CXXC1: variants seen among roughly 807,000 people sequenced by gnomAD.
CXXC1 encodes CXXC-type zinc finger protein 1.
Under a neutral mutation model 83.6 loss-of-function variants are expected in CXXC1, and 21 were observed. That is an observed-to-expected ratio of 0.25 (90% CI 0.18 to 0.36). The LOEUF (loss-of-function observed/expected upper bound fraction) is 0.36, where lower values mean the gene tolerates loss of function less well. Among genes scored for constraint, CXXC1 ranks in the 10% least tolerant of loss-of-function variants. The pLI is 1.00. For missense variants in CXXC1, 688 were observed against 919.5 expected (o/e 0.75, Z 3.26); for synonymous variants, 371 against 337.5 (o/e 1.10, Z -1.09).
chr18:50,284,322 G>A (rs553713246), intron 9 of CXXC1, 56 bp downstream of exon 9: 9 of 1,518,768 alleles, frequency 5.9e-6, no homozygotes, highest in Non-Finnish European at 7.9e-6. Context: ...AGAAGGCTGT[G>A]GTCAGGCCCT....
chr18:50,284,354 T>C (rs1358049453), intron 9 of CXXC1, 24 bp downstream of exon 9: 2 of 1,526,936 alleles, frequency 1.3e-6, no homozygotes, highest in South Asian at 1.3e-5. Context: ...CCTGACTCCC[T>C]TGAACCTCTC....
Position 50,282,505 on chromosome 18 carries a change from GA to G in CXXC1, c.*87del. 1 of 1,520,790 alleles carries G rather than the reference GA, an allele frequency of 6.6e-7. No individual in the cohort carries two copies. The highest frequency in any genetic ancestry group is 1.2e-5 in the South Asian group (1 of 86,652). 94.2% of individuals were successfully genotyped at this position (1,520,790 alleles called of 1,614,324 possible). ...GTGGATGGGCACAGGGAGAACCGGAGAAACAGATGAGTGGAGGAACGGACAC... is the reference window on the plus strand; with the variant it reads ...GTGGATGGGCACAGGGAGAACCGGAGAACAGATGAGTGGAGGAACGGACAC... On this transcript the variant is annotated 3_prime_UTR_variant, in exon 15 of 15. Transcript: ENST00000285106. This position sits in a 1 kb window ranked among gnomAD's most constrained non-coding sequence, Gnocchi z 5.8.
In CXXC1 at chr18:50,286,071, G is replaced by A. The variant is rs761702606; in HGVS notation, c.410C>T (p.Ala137Val). The A allele has an allele frequency of 6.2e-7, 1 of 1,613,954 alleles. No homozygotes were observed. Among genetic ancestry groups the A allele is most frequent in the South Asian group, 1.1e-5 (1 of 91,072 alleles). The change falls in exon 4 of 15, where the codon GCT becomes GTT. Residue 137 changes from alanine (A) to valine (V), a missense_variant. Ala to Val is a moderately conservative substitution (Grantham distance 64). Transcript: ENST00000285106. Reference protein sequence around the residue: ...GVGAMLARGSASPHKSSPQPL... With the variant: ...GVGAMLARGSVSPHKSSPQPL... ...CTGCGGAGAGGATTTGTGGGGCGAA[G>A]CAGAGCCCCGAGCAAGCATGGCCCC...
rs746849184 is a variant in CXXC1, at chr18:50,283,681, GC to G, written c.1524+23del. 16 of 1,610,942 alleles carry G rather than the reference GC, an allele frequency of 9.9e-6. No homozygotes were observed. The Admixed American group carries it at 2.3e-4, about 23-fold the overall frequency. ...GCCCACTGATGTTCCCACATGGTCC[GC>G]CCCCTCAGTCTGACACCCCAACCTT... is the stretch of plus-strand genomic sequence containing the variant. On this transcript the variant is annotated intron_variant, in intron 11 of 14. Coordinates refer to ENST00000285106, the MANE Select transcript of CXXC1 (RefSeq NM_014593.4).
intron 8 of CXXC1, 77 bp from the exon 9 acceptor site, chr18:50,284,639 C>G: frequency 6.2e-7 from 1 of 1,605,034 alleles, no homozygotes; most frequent in Non-Finnish European, 8.5e-7. Flanking sequence ...CATTCTAGCC[C>G]TTTCTGGCTC....
chr18:50,287,541 C>T, intron 1 of CXXC1, 46 bp downstream of exon 1: 1 of 1,610,596 alleles, frequency 6.2e-7, no homozygotes, highest in South Asian at 1.1e-5. Context: ...CTGTTGCCAA[C>T]CGACCGACCT....
Position 50,284,792 on chromosome 18 carries a change from C to T in CXXC1, c.960G>A (p.Leu320=). The part of the protein sequence containing the change: ...TEESPFLDPA[L]RKRAVKVKHV... Reference sequence around the variant, plus strand: ...GCTTCACTTTCACTGCCCTCTTCCGCAGCGCGGGGTCCAGGAATGGGGACT... The same window carrying T: ...GCTTCACTTTCACTGCCCTCTTCCGTAGCGCGGGGTCCAGGAATGGGGACT... The change falls in exon 8 of 15, where the codon CTG becomes CTA. Residue 320 remains leucine (L), a synonymous_variant. Transcript: ENST00000285106. 6.2e-7 allele frequency: 1 copy of T among 1,614,200 alleles called. No individual in the cohort carries two copies. The highest frequency in any genetic ancestry group is 1.1e-5 in the South Asian group (1 of 91,082).
In CXXC1 at chr18:50,282,545, G is replaced by T. The variant is rs775520615; in HGVS notation, c.*48C>A. 6.3e-7 allele frequency: 1 copy of T among 1,594,438 alleles called. No homozygotes were observed. The highest frequency in any genetic ancestry group is 1.1e-5 in the South Asian group (1 of 90,906). On this transcript the variant is annotated 3_prime_UTR_variant, in exon 15 of 15. Coordinates refer to ENST00000285106, the MANE Select transcript of CXXC1 (RefSeq NM_014593.4). This position sits in a 1 kb window ranked among gnomAD's most constrained non-coding sequence, Gnocchi z 5.8. ...AGGAACGGACACACGGGCACCGGGC[G>T]GCTCCCCCATCTGGAATGCAGGGTG... is the stretch of plus-strand genomic sequence containing the variant.
chr18:50,286,371 C>T (rs750720060), intron 3 of CXXC1, 114 bp from the exon 4 acceptor site: 2 of 1,119,982 alleles, frequency 1.8e-6, no homozygotes, highest in Non-Finnish European at 1.3e-6. Flanking sequence ...CTCTGCACCC[C>T]TGTCCAGGGC....
chr18:50,286,171 C>T lies in CXXC1; in HGVS notation c.310G>A (p.Asp104Asn). 1 of 1,613,932 alleles carries T rather than the reference C, an allele frequency of 6.2e-7. No individual in the cohort carries two copies. The highest frequency in any genetic ancestry group is 8.5e-7 in the Non-Finnish European group (1 of 1,179,996). ...GGCCTCTTGCGCCCTCCACCCTCAT[C>T]CCGGGGCTCACTGCTGTCCCGCTCA... The part of the protein sequence containing the change: ...GNERDSSEPR[D>N]EGGGRKRPVP... Residue 104 changes from aspartate (D) to asparagine (N), a missense_variant, in exon 4 of 15, where the codon GAT becomes AAT. This residue lies in a region of CXXC1 where 142 missense variants were observed against 150.7 expected (regional missense o/e 0.94). Transcript: ENST00000285106.
chr18:50,286,816 C>T lies in CXXC1; in HGVS notation c.46G>A (p.Asp16Asn), dbSNP rs2040722313. ...SDPEPPDAGE[D>N]SKSENGENAP... ...TTCTCCCCATTCTCGGACTTGCTGT[C>T]CTCCCCGGCATCTGGAGGCTCTGGG... The change falls in exon 2 of 15, where the codon GAC becomes AAC. Residue 16 changes from aspartate to asparagine, a missense_variant. Asp to Asn is a conservative substitution (Grantham distance 23). Around this residue, in one of 9 missense-constraint regions of CXXC1, gnomAD observed 51 missense variants for 48.0 expected, o/e 1.06. Coordinates refer to ENST00000285106, the MANE Select transcript of CXXC1 (RefSeq NM_014593.4). The T allele has an allele frequency of 1.2e-6, 2 of 1,613,996 alleles. No homozygotes were observed. Among genetic ancestry groups the T allele is most frequent in the South Asian group, 1.1e-5 (1 of 91,086 alleles).
At position 50,283,019 on chromosome 18, in the gene CXXC1, C is replaced by T; in HGVS notation, c.1672-13G>A. 1.2e-6 allele frequency: 2 copies of T among 1,613,450 alleles called. No homozygotes were observed. Among genetic ancestry groups the T allele is most frequent in the Middle Eastern group, 3.3e-4 (2 of 6,062 alleles). ...CGTCAGCTGGCACCTGCAAGGAGGCCAGGTTGGGGGGATGAATAGCGGTGA... is the reference window on the plus strand; with the variant it reads ...CGTCAGCTGGCACCTGCAAGGAGGCTAGGTTGGGGGGATGAATAGCGGTGA... On this transcript the variant is annotated splice_polypyrimidine_tract_variant and intron_variant, in intron 13 of 14. Transcript: ENST00000285106.
chr18:50,285,458 C>G lies in CXXC1; in HGVS notation c.640-107G>C, dbSNP rs914353103. 6 of 1,329,704 alleles carry G rather than the reference C, an allele frequency of 4.5e-6. No individual in the cohort carries two copies. Among genetic ancestry groups the G allele is most frequent in the Middle Eastern group, 2.7e-4 (1 of 3,698 alleles). 82.4% of individuals were successfully genotyped at this position (1,329,704 alleles called of 1,614,324 possible). ...CCTTACCTCCCCAGACACACCTCCC[C>G]GCTACCCCTCATTGCCAGGAATGCT... On this transcript the variant is annotated intron_variant, in intron 5 of 14. Transcript: ENST00000285106. The surrounding 1 kb of genome is among the most constrained non-coding windows in gnomAD (Gnocchi z 4.4).
chr18:50,282,637 G>A lies in CXXC1; in HGVS notation c.1927C>T (p.His643Tyr). 6.2e-7 allele frequency: 1 copy of A among 1,612,392 alleles called. No individual in the cohort carries two copies. Among genetic ancestry groups the A allele is most frequent in the Non-Finnish European group, 8.5e-7 (1 of 1,180,034 alleles). Residue 643 changes from histidine (H) to tyrosine (Y), a missense_variant, in exon 15 of 15, where the codon CAC becomes TAC. His to Tyr is a moderately conservative substitution (Grantham distance 83). This residue lies in a region of CXXC1 where 34 missense variants were observed against 27.0 expected (regional missense o/e 1.26). Transcript: ENST00000285106. The surrounding 1 kb of genome is among the most constrained non-coding windows in gnomAD (Gnocchi z 5.8). ...CGCAGGTCGGTAGTGAGGGGATCGTGCTGGATCGTCTGGTGCAGCATCAGG... is the reference window on the plus strand; with the variant it reads ...CGCAGGTCGGTAGTGAGGGGATCGTACTGGATCGTCTGGTGCAGCATCAGG... ...LALMLHQTIQ[H>Y]DPLTTDLRSS...
chr18:50,286,483 C>T, intron 3 of CXXC1, 56 bp downstream of exon 3: 4 of 1,431,100 alleles, frequency 2.8e-6, no homozygotes, highest in South Asian at 1.2e-5. Context: ...CCCCTTGTGG[C>T]TCCTCCTCCT....
rs773038882 is a variant in CXXC1 at position 50,282,974 on chromosome 18, A to G, written c.1704T>C (p.Leu568=). ...CCGTGAGCTCAAAGACATCACGTAC[A>G]AGGGGGCACCCGCATACCTCGTCAG... ...VPADEVCGCP[L]VRDVFELTGD... Residue 568 remains leucine, a synonymous_variant, in exon 14 of 15, where the codon CTT becomes CTC. Transcript: ENST00000285106. The surrounding 1 kb of genome is among the most constrained non-coding windows in gnomAD (Gnocchi z 5.8). 7 of 1,614,004 alleles carry G rather than the reference A, an allele frequency of 4.3e-6. No homozygotes were observed. The highest frequency in any genetic ancestry group is 1.6e-4 in the Middle Eastern group (1 of 6,084).
Position 50,282,875 on chromosome 18 carries a change from C to A in CXXC1, c.1803G>T (p.Val601=), listed in dbSNP as rs1466792269. Residue 601 remains valine (V), a synonymous_variant, in exon 14 of 15, where the codon GTG becomes GTT. Coordinates refer to ENST00000285106, the MANE Select transcript of CXXC1 (RefSeq NM_014593.4). The surrounding 1 kb of genome is among the most constrained non-coding windows in gnomAD (Gnocchi z 5.8). ...YCWEKLRRAE[V]DLERVRVWYK... is the part of the protein sequence containing the mutation. Reference sequence around the variant, plus strand: ...CTACCACACGCACGCGCTCCAAGTCCACTTCCGCACGCCGCAGCTTCTCCC... The same window carrying A: ...CTACCACACGCACGCGCTCCAAGTCAACTTCCGCACGCCGCAGCTTCTCCC... 5.2e-5 allele frequency: 84 copies of A among 1,614,092 alleles called. No individual in the cohort carries two copies. The highest frequency in any genetic ancestry group is 7.0e-5 in the Non-Finnish European group (83 of 1,180,044).
At position 50,283,780 on chromosome 18, in the gene CXXC1, C is replaced by T. The variant is rs1199595277; in HGVS notation, c.1449G>A (p.Gln483=). 2 of 1,614,274 alleles carry T rather than the reference C, an allele frequency of 1.2e-6. No homozygotes were observed. The highest frequency in any genetic ancestry group is 2.7e-5 in the African/African-American group (2 of 75,070). ...NEGDSDDTDL[Q]IFCVSCGHPI... ...GGTGCCCACAGGAAACACAGAAGATCTGCAGGTCTGTGTCATCACTGTCAC... is the reference window on the plus strand; with the variant it reads ...GGTGCCCACAGGAAACACAGAAGATTTGCAGGTCTGTGTCATCACTGTCAC... Residue 483 remains glutamine (Q), a synonymous_variant, in exon 11 of 15, where the codon CAG becomes CAA. Coordinates refer to ENST00000285106, the MANE Select transcript of CXXC1 (RefSeq NM_014593.4).
intron 1 of CXXC1, 121 bp from the exon 2 acceptor site, chr18:50,286,979 C>A: frequency 2.7e-6 from 2 of 738,378 alleles, no homozygotes; most frequent in Non-Finnish European, 2.4e-6. Flanking sequence ...CACATCGGGG[C>A]CCCCAAAAAA....
Sources: allele counts gnomAD v4.1 joint callset, GRCh38; gene constraint gnomAD v4.1.1; regional missense constraint gnomAD v4.1.1; non-coding constraint Gnocchi (gnomAD v3.1); transcripts MANE v1.5; gene names NCBI Gene and HGNC (gene_info 2026-07-23, HGNC 2026-07-21).